The following SPRTN variants were observed in gnomAD, a reference collection of about 807,000 sequenced individuals.
SPRTN encodes SprT-like N-terminal domain, also known as DNA-dependent metalloprotease SPRTN.
SPRTN carries 11 observed loss-of-function variants against 31.9 expected under a neutral mutation model. The ratio of observed to expected loss-of-function variants is 0.34; its 90% CI spans 0.22 to 0.57. The LOEUF (loss-of-function observed/expected upper bound fraction) is 0.57, where lower values mean the gene tolerates loss of function less well. Among genes scored for constraint, SPRTN ranks in the 20% least tolerant of loss-of-function variants. SPRTN has a pLI of 0.86. For missense variants in SPRTN, 482 were observed against 590.1 expected (o/e 0.82, Z 1.90); for synonymous variants, 185 against 212.1 (o/e 0.87, Z 1.11).
intron 2 of SPRTN, 70 bp from the exon 3 acceptor site, chr1:231,347,724 TAGA>T: frequency 2.0e-6 from 3 of 1,508,284 alleles, no homozygotes; most frequent in Non-Finnish European, 2.7e-6. Flanking sequence ...AGACACCAGA[TAGA>T]ATAAGAAAAT....
In SPRTN at chr1:231,353,227, A is replaced by T. The variant is rs368491865; in HGVS notation, c.1336A>T (p.Ser446Cys). Residue 446 changes from serine (S) to cysteine (C), a missense_variant, in exon 5 of 5, where the codon AGT (serine) becomes TGT (cysteine). This residue lies in a region of SPRTN where 325 missense variants were observed against 350.2 expected (regional missense o/e 0.93). Coordinates refer to ENST00000295050, the MANE Select transcript of SPRTN (RefSeq NM_032018.7). Reference sequence around the variant, plus strand: ...TACAACCACAGCTCAGAATTCCAGCAGTTCATCCAGTCAGAGCAAAATGGT... The same window carrying T: ...TACAACCACAGCTCAGAATTCCAGCTGTTCATCCAGTCAGAGCAAAATGGT... ...YSTTTAQNSS[S>C]SSSQSKMVNC... 10 of 1,614,164 alleles carry T rather than the reference A, an allele frequency of 6.2e-6. No homozygotes were observed. The East Asian group carries it at 2.2e-4, about 36-fold the overall frequency.
At chr1:231,347,641 G>A (rs1048214967) in intron 2 of SPRTN, 156 bp from the exon 3 acceptor site, 61 of 864,892 alleles carry the variant, frequency 7.1e-5, no homozygotes, top group Non-Finnish European at 9.9e-5. Flanking sequence ...TGGGATTACA[G>A]GTGTGAGCCA....
At position 231,348,327 on chromosome 1, in the gene SPRTN, T is replaced by C. The variant is rs556655995; in HGVS notation, c.450+402T>C. Among the ~76,000 whole-genome samples, 10 of 152,350 alleles carry C rather than the reference T, an allele frequency of 6.6e-5. No homozygotes were observed. The South Asian group carries it at 1.2e-3, about 19-fold the overall frequency. ...TATCTCTGTATAGCATTGTAGGAGA[T>C]AGCAAAGCCTCAGGTTCAAAAAGCT... is the stretch of plus-strand genomic sequence containing the variant. On this transcript the variant is annotated intron_variant, in intron 3 of 4. Transcript: ENST00000295050.
intron 4 of SPRTN, 193 bp from the exon 5 acceptor site, chr1:231,352,417 T>C: frequency 7.9e-7 from 1 of 1,266,134 alleles, no homozygotes; most frequent in South Asian, 3.2e-5. Flanking sequence ...TTTTATCCTT[T>C]ATATTCTCTC....
At position 231,354,052 on chromosome 1, in the gene SPRTN, A is replaced by G. The variant is rs1687320567; in HGVS notation, c.*691A>G. The G allele has an allele frequency of 1.0e-6, 1 of 972,908 alleles. No individual in the cohort carries two copies. Among genetic ancestry groups the G allele is most frequent in the African/African-American group, 1.8e-5 (1 of 57,002 alleles). 60.3% of individuals were successfully genotyped at this position (972,908 alleles called of 1,614,324 possible). A position where few individuals can be genotyped will look rare whatever the true frequency, so the allele number is the denominator to read the frequency against. ...ACTATAATTCTGTAGGCCAAATTTT[A>G]TATTGAGTTTAGCTGTTTTCTCAAA... On this transcript the variant is annotated 3_prime_UTR_variant, in exon 5 of 5. Coordinates refer to ENST00000295050, the MANE Select transcript of SPRTN (RefSeq NM_032018.7).
rs1037032213 is a variant in SPRTN at position 231,353,598 on chromosome 1, C to T, written c.*237C>T. Reference sequence around the variant, plus strand: ...ATACTGTAACCCAGGTTCTGCCTGTCGTGTATAAGTTTTAGATACTTTTGT... The same window carrying T: ...ATACTGTAACCCAGGTTCTGCCTGTTGTGTATAAGTTTTAGATACTTTTGT... On this transcript the variant is annotated 3_prime_UTR_variant, in exon 5 of 5. Transcript: ENST00000295050. 5.0e-5 allele frequency: 59 copies of T among 1,178,724 alleles called. No individual in the cohort carries two copies. The highest frequency in any genetic ancestry group is 6.1e-5 in the Non-Finnish European group (58 of 953,368). 73.0% of individuals were successfully genotyped at this position (1,178,724 alleles called of 1,614,324 possible).
intron 3 of SPRTN, 37 bp downstream of exon 3, chr1:231,347,962 T>A: frequency 6.3e-7 from 1 of 1,585,270 alleles, no homozygotes; most frequent in Non-Finnish European, 8.5e-7. Context: ...TGTTTAGTAG[T>A]TGTTTATTCA....
rs369596116 is a variant in SPRTN, at chr1:231,338,342, C to A, written c.-42C>A. The A allele has an allele frequency of 8.5e-5, 136 of 1,605,142 alleles. No homozygotes were observed. In the African/African-American group the frequency reaches 1.7e-3, roughly 20 times the overall value. ...TTGGGGTCGCGGCGTAACTGGGGAG[C>A]CAGCCTGACGCCGGCGGACCCCGCC... On this transcript the variant is annotated 5_prime_UTR_variant, in exon 1 of 5. Transcript: ENST00000295050.
intron 3 of SPRTN, 61 bp from the exon 4 acceptor site, chr1:231,351,243 A>C (rs2474633): frequency 0.63 from 809,689 of 1,289,332 alleles, 258,394 homozygotes; most frequent in Middle Eastern, 0.67. Context: ...TGCTTATGTA[A>C]ATTGTTTTCT....
At chr1:231,339,622 G>C in intron 1 of SPRTN, 147 bp from the exon 2 acceptor site, 1 of 863,926 alleles carries the variant, frequency 1.2e-6, no homozygotes. Flanking sequence ...TAATTAATTA[G>C]GTGAAATGCA....
chr1:231,348,070 G>A (rs972996428), intron 3 of SPRTN, 145 bp downstream of exon 3: 10 of 1,140,818 alleles, frequency 8.8e-6, no homozygotes, highest in Middle Eastern at 4.7e-4. Context: ...AAGCAAATTG[G>A]CTTGTCTGGG....
intron 2 of SPRTN, among the ~76,000 whole-genome samples, chr1:231,341,156 T>G (rs919342642): frequency 3.3e-5 from 5 of 151,658 alleles, no homozygotes; most frequent in African/African-American, 4.8e-5. Flanking sequence ...AAACACTCCA[T>G]TAAATACATG....
intron 2 of SPRTN, 185 bp downstream of exon 2, chr1:231,340,053 A>AAC (rs1686824972): frequency 6.0e-6 from 3 of 498,668 alleles, no homozygotes; most frequent in Admixed American, 3.8e-5. Context: ...ATAGTAAAAA[A>AAC]AAAAAAAACA....
At chr1:231,339,416 G>T (rs956380625) in intron 1 of SPRTN, 3 of 485,576 alleles carry the variant, frequency 6.2e-6, no homozygotes, top group South Asian at 2.0e-5. Context: ...CTAGGGCAAG[G>T]GGAGCTGCAG....
At chr1:231,352,085 A>G (rs1392828365) in intron 4 of SPRTN, 24 of 989,422 alleles carry the variant, frequency 2.4e-5, no homozygotes, top group Non-Finnish European at 2.8e-5. Context: ...TATATTTGCC[A>G]GTACTTCATC....
chr1:231,349,972 A>C (rs1422181162), intron 3 of SPRTN, among the ~76,000 whole-genome samples: 3 of 152,166 alleles, frequency 2.0e-5, no homozygotes, highest in African/African-American at 7.2e-5. Flanking sequence ...GGTTCATGCC[A>C]CCTCACTCCA....
Position 231,354,074 on chromosome 1 carries a change from CA to C in SPRTN, c.*717del, listed in dbSNP as rs1427740047. On this transcript the variant is annotated 3_prime_UTR_variant, in exon 5 of 5. Transcript: ENST00000295050. ...TTTATATTGAGTTTAGCTGTTTTCT[CA>C]AAATTTAGCAGAGTGGTTAAAATTC... 1 of 982,158 alleles carries C rather than the reference CA, an allele frequency of 1.0e-6. No individual in the cohort carries two copies. Among genetic ancestry groups the C allele is most frequent in the Non-Finnish European group, 1.2e-6 (1 of 827,156 alleles). 60.8% of individuals were successfully genotyped at this position (982,158 alleles called of 1,614,324 possible).
chr1:231,347,964 G>T, intron 3 of SPRTN, 39 bp downstream of exon 3: 1 of 1,583,896 alleles, frequency 6.3e-7, no homozygotes, highest in Non-Finnish European at 8.5e-7. Flanking sequence ...TTTAGTAGTT[G>T]TTTATTCAAT....
At chr1:231,342,400 A>T (rs1018382736) in intron 2 of SPRTN, among the ~76,000 whole-genome samples, 21 of 152,156 alleles carry the variant, frequency 1.4e-4, no homozygotes, top group Admixed American at 8.5e-4. Flanking sequence ...CCATAAGATT[A>T]TAAGACCATA....
Sources: gnomAD v4.1 joint callset for allele counts (sites outside exome capture counted in the v4.1 genomes callset) on GRCh38, gnomAD v4.1.1 for gene constraint, gnomAD v4.1.1 regional missense constraint, MANE v1.5 for transcripts, NCBI Gene and HGNC (gene_info 2026-07-23, HGNC 2026-07-21) for gene names.